Variants in FAM13A observed in about 807,000 individuals in gnomAD.
The protein encoded by FAM13A is family with sequence similarity 13 member A.
A neutral mutation model predicts 129.6 loss-of-function variants in FAM13A; 76 were observed. The ratio of observed to expected loss-of-function variants is 0.59; its 90% CI spans 0.49 to 0.71. The LOEUF is 0.71. Among genes scored for constraint, FAM13A ranks in the 30% least tolerant of loss-of-function variants. The pLI, the probability that FAM13A is intolerant of heterozygous loss-of-function variation, is 0.00. For synonymous variants in FAM13A, 443 were observed against 449.9 expected, an observed-to-expected ratio of 0.98 and a Z score of 0.20; for missense variants, 1,108 against 1,249.3, an observed-to-expected ratio of 0.89 and a Z score of 1.70.
intron 14 of FAM13A, among the ~76,000 whole-genome samples, chr4:88,754,492 G>A (rs1743238354): frequency 6.6e-6 from 1 of 152,136 alleles, no homozygotes; most frequent in Non-Finnish European, 1.5e-5. Flanking sequence ...ACAGAATTAA[G>A]GGGGCCGATG....
chr4:88,909,518 C>T (rs1037201457), intron 5 of FAM13A, among the ~76,000 whole-genome samples: 6 of 151,334 alleles, frequency 4.0e-5, no homozygotes, highest in South Asian at 4.2e-4. Flanking sequence ...GATGGAGTCT[C>T]GCTCTGTTGC....
intron 23 of FAM13A, 27 bp from the exon 24 acceptor site, chr4:88,728,686 C>G (rs376624008): frequency 7.9e-5 from 128 of 1,613,064 alleles, no homozygotes; most frequent in Non-Finnish European, 1.0e-4. Context: ...AAAAAGGGGT[C>G]TGAGGATCAT....
chr4:88,743,506 G>C (rs1578450286), intron 19 of FAM13A, among the ~76,000 whole-genome samples: 2 of 152,304 alleles, frequency 1.3e-5, no homozygotes, highest in South Asian at 4.1e-4. Flanking sequence ...AAGCACCAGA[G>C]AGGGTAATGA....
chr4:88,960,180 C>T (rs766995913), intron 4 of FAM13A, among the ~76,000 whole-genome samples: 32 of 152,190 alleles, frequency 2.1e-4, no homozygotes, highest in Admixed American at 9.8e-4. Context: ...AGAGTAATGT[C>T]CCACCTCTTT....
intron 7 of FAM13A, among the ~76,000 whole-genome samples, chr4:88,832,296 C>A (rs888987375): frequency 6.6e-6 from 1 of 152,142 alleles, no homozygotes; most frequent in African/African-American, 2.4e-5. Flanking sequence ...AGAAGAAAAT[C>A]TTGGCAATAC....
intron 4 of FAM13A, among the ~76,000 whole-genome samples, chr4:88,939,333 C>G (rs1330954521): frequency 6.6e-6 from 1 of 152,104 alleles, no homozygotes; most frequent in Non-Finnish European, 1.5e-5. Context: ...CTGCAAATCT[C>G]TCTCTGCTCC....
intron 1 of FAM13A, among the ~76,000 whole-genome samples, chr4:89,052,362 GGTTA>G (rs1224510430): frequency 4.0e-5 from 6 of 150,364 alleles, no homozygotes; most frequent in Non-Finnish European, 8.9e-5. Context: ...ACAATGTGCA[GGTTA>G]GTTACATATG....
chr4:88,913,446 G>A (rs1281247394), intron 5 of FAM13A, among the ~76,000 whole-genome samples: 2 of 99,096 alleles, frequency 2.0e-5, no homozygotes, highest in Non-Finnish European at 4.6e-5. Context: ...GGAAGAAGAG[G>A]AGGAGGAAGA....
In FAM13A at chr4:88,933,130, T is replaced by A. The variant is rs577324982; in HGVS notation, c.759+4958A>T. ...AAGACAACTTTAAAATTCCAAAAGATATAATGAGCAACAGCAACACTGTCT... is the reference window on the plus strand; with the variant it reads ...AAGACAACTTTAAAATTCCAAAAGAAATAATGAGCAACAGCAACACTGTCT... On this transcript the variant is annotated intron_variant, in intron 5 of 23. Transcript: ENST00000264344. Among the ~76,000 whole-genome samples, 5 of 152,250 alleles carry A rather than the reference T, an allele frequency of 3.3e-5. No individual in the cohort carries two copies. The East Asian group carries it at 9.6e-4, about 29-fold the overall frequency.
intron 19 of FAM13A, among the ~76,000 whole-genome samples, chr4:88,744,421 T>C (rs1307241541): frequency 1.3e-5 from 2 of 152,182 alleles, no homozygotes; most frequent in Admixed American, 6.5e-5. Flanking sequence ...TGTTTATATA[T>C]GTGTAACTCT....
At chr4:88,869,224 C>T (rs925969410) in intron 6 of FAM13A, among the ~76,000 whole-genome samples, 2 of 152,218 alleles carry the variant, frequency 1.3e-5, no homozygotes, top group Admixed American at 1.3e-4. Flanking sequence ...CTTTTGCCTT[C>T]TTCTGATTAT....
At chr4:88,905,319 T>C (rs1007849253) in intron 6 of FAM13A, among the ~76,000 whole-genome samples, 3 of 152,094 alleles carry the variant, frequency 2.0e-5, no homozygotes, top group Non-Finnish European at 4.4e-5. Context: ...GTATTTTTAG[T>C]ACAGATGGGG....
At chr4:88,895,946 T>G (rs912542875) in intron 6 of FAM13A, among the ~76,000 whole-genome samples, 8 of 148,646 alleles carry the variant, frequency 5.4e-5, no homozygotes, top group Admixed American at 4.7e-4. Context: ...CTATAAATCA[T>G]GCTGCTATAA....
rs374925882 is a variant in FAM13A, at chr4:88,852,336, AT to A, written c.844-1154del. Among the ~76,000 whole-genome samples the A allele has an allele frequency of 1.3e-3, 201 of 151,948 alleles. 1 individual carries two copies. Among genetic ancestry groups the A allele is most frequent in the African/African-American group, 4.6e-3 (190 of 41,452 alleles). On this transcript the variant is annotated intron_variant, in intron 6 of 23. Transcript: ENST00000264344. The stretch of plus-strand genomic sequence containing the variant: ...ACCAACAAGTCAGGGTAATTTTTGT[AT>A]TTTTTGTAGGGATGTGGTTTCACCA...
intron 6 of FAM13A, among the ~76,000 whole-genome samples, chr4:88,882,873 T>A (rs1361994162): frequency 6.6e-6 from 1 of 152,042 alleles, no homozygotes; most frequent in Non-Finnish European, 1.5e-5. Flanking sequence ...TATTCTTATA[T>A]CAGACAAAAC....
intron 6 of FAM13A, among the ~76,000 whole-genome samples, chr4:88,903,126 A>T (rs954024993): frequency 2.6e-5 from 4 of 152,222 alleles, no homozygotes; most frequent in African/African-American, 9.6e-5. Flanking sequence ...ATATAACAAC[A>T]TTCCATGCTC....
chr4:88,739,166 G>GTTGT, intron 19 of FAM13A, 41 bp from the exon 20 acceptor site: 7 of 1,399,120 alleles, frequency 5.0e-6, no homozygotes, highest in Non-Finnish European at 7.1e-6. Flanking sequence ...CCTGCTGCTG[G>GTTGT]GAGTCACAAC....
chr4:88,847,967 T>G (rs189103759), intron 7 of FAM13A, among the ~76,000 whole-genome samples: 1 of 151,082 alleles, frequency 6.6e-6, no homozygotes, highest in African/African-American at 2.4e-5. Context: ...AAAAAAAAAA[T>G]TACATAAACC....
chr4:88,956,387 A>G (rs1757758436), intron 4 of FAM13A, among the ~76,000 whole-genome samples: 1 of 152,246 alleles, frequency 6.6e-6, no homozygotes, highest in African/African-American at 2.4e-5. Context: ...CATATAGCCT[A>G]GGTGTGGGGT....
Sources: allele counts gnomAD v4.1 joint callset (sites outside exome capture counted in the v4.1 genomes callset), GRCh38; gene constraint gnomAD v4.1.1; transcripts MANE v1.5; gene names NCBI Gene and HGNC (gene_info 2026-07-23, HGNC 2026-07-21).